MYO3B: variants seen among roughly 807,000 people sequenced by gnomAD.
The protein encoded by MYO3B is myosin IIIB.
In MYO3B, 156 loss-of-function variants were observed where a neutral mutation model predicts 174.6. That is an observed-to-expected ratio of 0.89 (90% CI 0.78 to 1.02). The LOEUF (loss-of-function observed/expected upper bound fraction) is 1.02, where lower values mean the gene tolerates loss of function less well. MYO3B is among the 50% of genes least tolerant of loss of function. The pLI is 0.00. For synonymous variants in MYO3B, 563 were observed against 569.1 expected, an observed-to-expected ratio of 0.99 and a Z score of 0.15; for missense variants, 1,632 against 1,639.4, an observed-to-expected ratio of 1.00 and a Z score of 0.08.
At chr2:170,572,302 C>T (rs4668279) in intron 32 of MYO3B, among the ~76,000 whole-genome samples, 9,438 of 151,964 alleles carry the variant, frequency 0.062, 477 homozygotes, top group East Asian at 0.25. Flanking sequence ...GTGGCGGGTG[C>T]CTATAATCCC....
chr2:170,413,521 G>T (rs1449457539), intron 22 of MYO3B, among the ~76,000 whole-genome samples: 1 of 152,112 alleles, frequency 6.6e-6, no homozygotes, highest in Non-Finnish European at 1.5e-5. Flanking sequence ...GGTGAGAAAG[G>T]AAAACTTGAA....
At chr2:170,468,408 G>GA (rs1684772907) in intron 25 of MYO3B, among the ~76,000 whole-genome samples, 2 of 152,186 alleles carry the variant, frequency 1.3e-5, no homozygotes, top group African/African-American at 4.8e-5. Flanking sequence ...ATTCAGGACT[G>GA]AAACCCTGAG....
chr2:170,500,304 G>C (rs79822210), intron 27 of MYO3B, among the ~76,000 whole-genome samples: 3 of 152,202 alleles, frequency 2.0e-5, no homozygotes, highest in Non-Finnish European at 4.4e-5. Flanking sequence ...AAAGGTTTAC[G>C]AGGGAAATGA....
At chr2:170,532,894 A>G (rs1274865738) in intron 30 of MYO3B, among the ~76,000 whole-genome samples, 1 of 151,666 alleles carries the variant, frequency 6.6e-6, no homozygotes, top group Non-Finnish European at 1.5e-5. Context: ...GCATGTTTGT[A>G]TGTGTATATA....
chr2:170,428,945 C>T (rs533294605), intron 22 of MYO3B, among the ~76,000 whole-genome samples: 11 of 152,206 alleles, frequency 7.2e-5, no homozygotes, highest in Non-Finnish European at 1.5e-4. Flanking sequence ...CTTTTCATTG[C>T]TTCCATGCTA....
Position 170,386,185 on chromosome 2 carries a change from C to T in MYO3B, c.1291-4C>T. 1.2e-6 allele frequency: 2 copies of T among 1,612,748 alleles called. No homozygotes were observed. The highest frequency in any genetic ancestry group is 1.7e-6 in the Non-Finnish European group (2 of 1,179,156). On this transcript the variant is annotated splice_polypyrimidine_tract_variant and splice_region_variant and intron_variant, in intron 12 of 34. Coordinates refer to ENST00000408978, the MANE Select transcript of MYO3B (RefSeq NM_138995.5). Reference sequence around the variant, plus strand: ...TTCACTTGACGCTCCATTTTCTGTGCCAGTGCATTGTCATCAGCGGAGAGA... The same window carrying T: ...TTCACTTGACGCTCCATTTTCTGTGTCAGTGCATTGTCATCAGCGGAGAGA...
intron 30 of MYO3B, among the ~76,000 whole-genome samples, chr2:170,524,250 G>T (rs906956287): frequency 6.6e-6 from 1 of 152,144 alleles, no homozygotes; most frequent in Admixed American, 6.5e-5. Flanking sequence ...AACTGAACCT[G>T]GGGAAAGCTA....
chr2:170,382,121 T>C lies in MYO3B; in HGVS notation c.1068+9T>C, dbSNP rs1005088250. The C allele has an allele frequency of 3.7e-6, 6 of 1,604,716 alleles. No homozygotes were observed. In the Admixed American group the frequency reaches 6.7e-5, roughly 18 times the overall value. On this transcript the variant is annotated intron_variant, in intron 10 of 34. Coordinates refer to ENST00000408978, the MANE Select transcript of MYO3B (RefSeq NM_138995.5). ...TAGAGGTTCTGGATGAGGTACTAAA[T>C]ATTTAGTAGACAATTCTCATTGAAG... is the stretch of plus-strand genomic sequence containing the variant.
chr2:170,456,558 C>T (rs553215102), intron 23 of MYO3B, among the ~76,000 whole-genome samples: 4 of 152,240 alleles, frequency 2.6e-5, no homozygotes, highest in Non-Finnish European at 5.9e-5. Context: ...TGTTTCTGTA[C>T]CCCAACAGTT....
intron 7 of MYO3B, among the ~76,000 whole-genome samples, chr2:170,300,152 GATTGTACTTACCT>G (rs71875607): frequency 0.31 from 47,349 of 152,030 alleles, 7,768 homozygotes; most frequent in South Asian, 0.37. Context: ...GCACAGGGTA[GATTGTACTTACCT>G]GTACCTTTGA....
At chr2:170,602,570 T>C (rs1000684325) in intron 32 of MYO3B, among the ~76,000 whole-genome samples, 1 of 152,184 alleles carries the variant, frequency 6.6e-6, no homozygotes, top group East Asian at 1.9e-4. Context: ...CTTAGGTCCT[T>C]TTTACTTTTT....
intron 7 of MYO3B, among the ~76,000 whole-genome samples, chr2:170,272,296 A>G (rs968616513): frequency 6.6e-6 from 1 of 152,002 alleles, no homozygotes; most frequent in African/African-American, 2.4e-5. Flanking sequence ...GCTCACTCAA[A>G]CTTGAGAATC....
At chr2:170,308,284 G>A (rs2093714286) in intron 7 of MYO3B, among the ~76,000 whole-genome samples, 1 of 152,202 alleles carries the variant, frequency 6.6e-6, no homozygotes, top group African/African-American at 2.4e-5. Context: ...AGCGCCCTTT[G>A]GAGGCCTCTC....
At chr2:170,459,855 G>A (rs1406830097) in intron 23 of MYO3B, among the ~76,000 whole-genome samples, 1 of 152,142 alleles carries the variant, frequency 6.6e-6, no homozygotes, top group Non-Finnish European at 1.5e-5. Context: ...ACCTTCCGCA[G>A]CTGCTGGCCC....
chr2:170,605,683 C>T (rs1365517289), intron 32 of MYO3B, among the ~76,000 whole-genome samples: 1 of 152,048 alleles, frequency 6.6e-6, no homozygotes, highest in Non-Finnish European at 1.5e-5. Context: ...ATGGTAAAAC[C>T]CTATCTCTAC....
intron 28 of MYO3B, among the ~76,000 whole-genome samples, chr2:170,506,393 A>G (rs17426648): frequency 0.073 from 11,180 of 152,314 alleles, 564 homozygotes; most frequent in Admixed American, 0.11. Context: ...GTTGGCAATG[A>G]TTAGGTGGTT....
chr2:170,214,644 A>G, intron 4 of MYO3B, 85 bp from the exon 5 acceptor site: 13 of 1,372,758 alleles, frequency 9.5e-6, no homozygotes, highest in Non-Finnish European at 1.3e-5. Flanking sequence ...GAGACTTTTC[A>G]ATAGTAGGGT....
intron 16 of MYO3B, among the ~76,000 whole-genome samples, chr2:170,398,228 G>GAAAA (rs34432719): frequency 4.5e-5 from 4 of 87,960 alleles, no homozygotes; most frequent in African/African-American, 9.0e-5. Flanking sequence ...TGTCTCAAAA[G>GAAAA]AAAAAAAAAA....
intron 28 of MYO3B, among the ~76,000 whole-genome samples, chr2:170,512,770 T>C (rs976077783): frequency 6.6e-6 from 1 of 152,178 alleles, no homozygotes; most frequent in African/African-American, 2.4e-5. Context: ...TTTTGAAATG[T>C]TTAAATAAAT....
Sources: gnomAD v4.1 joint callset for allele counts (sites outside exome capture counted in the v4.1 genomes callset) on GRCh38, gnomAD v4.1.1 for gene constraint, MANE v1.5 for transcripts, NCBI Gene and HGNC (gene_info 2026-07-23, HGNC 2026-07-21) for gene names.